The following ZNF609 variants were observed in gnomAD, a reference collection of about 807,000 sequenced individuals.
ZNF609 encodes the protein zinc finger protein 609.
ZNF609 carries 11 observed loss-of-function variants against 109.5 expected under a neutral mutation model. The ratio of observed to expected loss-of-function variants is 0.10; its 90% CI spans 0.06 to 0.17. ZNF609 has a LOEUF of 0.17. ZNF609 is among the 10% of genes least tolerant of loss of function. The probability of loss-of-function intolerance (pLI) is 1.00; values close to 1 mark genes in which losing one functional copy is unlikely to be tolerated. For synonymous variants in ZNF609, 646 were observed against 662.0 expected (o/e 0.98, Z 0.37); for missense variants, 1,559 against 1,772.4 (o/e 0.88, Z 2.16).
At position 64,613,678 on chromosome 15, in the gene ZNF609, G is replaced by A. The variant is rs1286054679; in HGVS notation, c.748-9149G>A. Among the ~76,000 whole-genome samples the A allele has an allele frequency of 7.9e-5, 12 of 152,106 alleles. No homozygotes were observed. The East Asian group carries it at 2.3e-3, about 29-fold the overall frequency. On this transcript the variant is annotated intron_variant, in intron 2 of 9. Coordinates refer to ENST00000326648, the MANE Select transcript of ZNF609 (RefSeq NM_015042.2). ...GGATTCTCCTGCCTCAGCCTCCCGA[G>A]TAGCTGGGACTACAGGGATGTGCCA... is the stretch of plus-strand genomic sequence containing the variant.
At chr15:64,571,815 G>A (rs757626924) in intron 2 of ZNF609, among the ~76,000 whole-genome samples, 1 of 152,088 alleles carries the variant, frequency 6.6e-6, no homozygotes, top group Admixed American at 6.6e-5. Flanking sequence ...GGTTACAGGT[G>A]CCCACCACCA....
In ZNF609 at chr15:64,677,104, C is replaced by T. The variant is rs572221153; in HGVS notation, c.3402+848C>T. On this transcript the variant is annotated intron_variant, in intron 5 of 9. Coordinates refer to ENST00000326648, the MANE Select transcript of ZNF609 (RefSeq NM_015042.2). ...TAGAGACCAGAGTCCCTCTGTGTTG[C>T]CCAGGCTGGAATGCAATGATGCAGT... 5.9e-5 allele frequency among the ~76,000 whole-genome samples: 9 copies of T among 152,130 alleles called. 1 individual carries two copies. The highest frequency in any genetic ancestry group is 1.9e-4 in the East Asian group (1 of 5,170).
At chr15:64,623,127 T>C in intron 3 of ZNF609, 75 bp downstream of exon 3, 1 of 1,426,320 alleles carries the variant, frequency 7.0e-7, no homozygotes, top group Non-Finnish European at 9.8e-7. Flanking sequence ...CTTATTGTTG[T>C]AAATATTACC....
chr15:64,467,664 G>A (rs1430563444), intron 1 of ZNF609, among the ~76,000 whole-genome samples: 1 of 152,208 alleles, frequency 6.6e-6, no homozygotes, highest in Non-Finnish European at 1.5e-5. Context: ...GGCCAACATG[G>A]TGAAATCCTG....
chr15:64,589,161 A>G (rs1895253080), intron 2 of ZNF609, among the ~76,000 whole-genome samples: 1 of 152,208 alleles, frequency 6.6e-6, no homozygotes, highest in Non-Finnish European at 1.5e-5. Context: ...TTGTGTGGAC[A>G]TGTTCCAACC....
intron 3 of ZNF609, among the ~76,000 whole-genome samples, chr15:64,642,923 A>G (rs528195043): frequency 1.3e-5 from 2 of 152,298 alleles, no homozygotes; most frequent in South Asian, 2.1e-4. Context: ...CACATGGTCT[A>G]ATTCTTTCTA....
chr15:64,655,696 G>A (rs1171122261), intron 3 of ZNF609, among the ~76,000 whole-genome samples: 1 of 152,076 alleles, frequency 6.6e-6, no homozygotes, highest in African/African-American at 2.4e-5. Flanking sequence ...TGGGCATGGT[G>A]GCAGGTGCCT....
intron 1 of ZNF609, among the ~76,000 whole-genome samples, chr15:64,484,202 A>C (rs982961557): frequency 6.6e-6 from 1 of 152,206 alleles, no homozygotes; most frequent in Non-Finnish European, 1.5e-5. Flanking sequence ...CTATGACATT[A>C]AACTCTTCCA....
intron 1 of ZNF609, among the ~76,000 whole-genome samples, chr15:64,463,804 G>C (rs943383485): frequency 1.3e-5 from 2 of 152,198 alleles, no homozygotes; most frequent in Non-Finnish European, 2.9e-5. Context: ...TTCCAACTCT[G>C]TGTCCTAGGA....
At chr15:64,584,463 G>C (rs1895162239) in intron 2 of ZNF609, among the ~76,000 whole-genome samples, 1 of 151,756 alleles carries the variant, frequency 6.6e-6, no homozygotes, top group Non-Finnish European at 1.5e-5. Flanking sequence ...ACCATCCCTG[G>C]CTCATTTTTG....
chr15:64,608,308 A>G (rs941984986), intron 2 of ZNF609, among the ~76,000 whole-genome samples: 3 of 152,146 alleles, frequency 2.0e-5, no homozygotes, highest in Non-Finnish European at 2.9e-5. Flanking sequence ...TTTTAATATA[A>G]TTGTATTTGT....
intron 2 of ZNF609, among the ~76,000 whole-genome samples, chr15:64,525,867 C>T (rs1893961335): frequency 6.6e-6 from 1 of 151,744 alleles, no homozygotes; most frequent in Admixed American, 6.6e-5. Flanking sequence ...TGGATCACTG[C>T]AACCTCCACC....
At chr15:64,572,547 GT>G (rs1339080349) in intron 2 of ZNF609, among the ~76,000 whole-genome samples, 1 of 152,092 alleles carries the variant, frequency 6.6e-6, no homozygotes. Context: ...TGTCTGATTT[GT>G]TCATTGTTAT....
chr15:64,632,389 A>G (rs758552459), intron 3 of ZNF609, among the ~76,000 whole-genome samples: 2 of 152,110 alleles, frequency 1.3e-5, no homozygotes, highest in Non-Finnish European at 2.9e-5. Flanking sequence ...GCAAAATCCA[A>G]CAATATTTGT....
chr15:64,613,907 A>G (rs1895756625), intron 2 of ZNF609, among the ~76,000 whole-genome samples: 1 of 151,660 alleles, frequency 6.6e-6, no homozygotes, highest in African/African-American at 2.4e-5. Context: ...AAGTGGTTCA[A>G]ATAATTGAAG....
At chr15:64,553,683 C>T (rs1328233385) in intron 2 of ZNF609, among the ~76,000 whole-genome samples, 2 of 152,046 alleles carry the variant, frequency 1.3e-5, no homozygotes, top group East Asian at 3.9e-4. Flanking sequence ...ACTGCAAGCT[C>T]CGCCTTCTGG....
At chr15:64,600,429 G>A (rs1213034044) in intron 2 of ZNF609, among the ~76,000 whole-genome samples, 3 of 131,888 alleles carry the variant, frequency 2.3e-5, no homozygotes, top group Non-Finnish European at 4.7e-5. Flanking sequence ...CAGCCTGGGC[G>A]ACAGTGCGAG....
Position 64,674,422 on chromosome 15 carries a change from A to G in ZNF609, c.1568A>G (p.Asp523Gly), listed in dbSNP as rs367810304. Residue 523 changes from aspartate (D) to glycine (G), a missense_variant, in exon 5 of 10, where the codon GAT (aspartate) becomes GGT (glycine). Around this residue, in one of 4 missense-constraint regions of ZNF609, gnomAD observed 1,204 missense variants for 1,314.1 expected, o/e 0.92. Coordinates refer to ENST00000326648, the MANE Select transcript of ZNF609 (RefSeq NM_015042.2). ...CACCAAGCTCATGCCCATACAGATG[A>G]TGACAGCAAGCCGGAAGCGGATGGG... is the stretch of plus-strand genomic sequence containing the variant. ...KYHQAHAHTD[D>G]DSKPEADGDS... 8 of 1,614,086 alleles carry G rather than the reference A, an allele frequency of 5.0e-6. No individual in the cohort carries two copies. The African/African-American group carries it at 1.1e-4, about 22-fold the overall frequency.
intron 1 of ZNF609, among the ~76,000 whole-genome samples, chr15:64,468,362 G>A (rs1161097854): frequency 1.3e-5 from 2 of 150,748 alleles, no homozygotes; most frequent in African/African-American, 4.9e-5. Flanking sequence ...TGTTGCCTAG[G>A]CTGGAGTGCA....
Sources: allele counts gnomAD v4.1 joint callset (sites outside exome capture counted in the v4.1 genomes callset), GRCh38; gene constraint gnomAD v4.1.1; regional missense constraint gnomAD v4.1.1; transcripts MANE v1.5; gene names NCBI Gene and HGNC (gene_info 2026-07-23, HGNC 2026-07-21).